Variants in CUL3 observed in about 807,000 individuals in gnomAD.
CUL3 encodes cullin 3.
A neutral mutation model predicts 89.1 loss-of-function variants in CUL3; 19 were observed. The ratio of observed to expected loss-of-function variants is 0.21; its 90% confidence interval spans 0.15 to 0.31. The LOEUF (loss-of-function observed/expected upper bound fraction) is 0.31, where lower values mean the gene tolerates loss of function less well. Among genes scored for constraint, CUL3 ranks in the 10% least tolerant of loss-of-function variants. The probability of loss-of-function intolerance (pLI) is 1.00; values close to 1 mark genes in which losing one functional copy is unlikely to be tolerated. For synonymous variants in CUL3, 351 were observed against 308.4 expected (o/e 1.14, Z -1.45); for missense variants, 469 against 942.3 (o/e 0.50, Z 6.58).
At chr2:224,579,300 G>A (rs1048058368) in intron 1 of CUL3, among the ~76,000 whole-genome samples, 3 of 152,088 alleles carry the variant, frequency 2.0e-5, no homozygotes, top group Non-Finnish European at 2.9e-5. Context: ...CATGAAAAAT[G>A]AAAAGCAAAT....
Position 224,499,481 on chromosome 2 carries a change from G to T in CUL3, c.1610+882C>A, listed in dbSNP as rs146100537. Reference sequence around the variant, plus strand: ...TATCAAATACAGTTTCTTCCCAGTTGTTTTTTCAGATCTGGTTTGAGGTTA... The same window carrying T: ...TATCAAATACAGTTTCTTCCCAGTTTTTTTTTCAGATCTGGTTTGAGGTTA... On this transcript the variant is annotated intron_variant, in intron 11 of 15. Coordinates refer to ENST00000264414, the MANE Select transcript of CUL3 (RefSeq NM_003590.5). 329 of 238,880 alleles carry T rather than the reference G, an allele frequency of 1.4e-3. 2 individuals are homozygous for T. The highest frequency in any genetic ancestry group is 4.5e-3 in the Admixed American group (110 of 24,636). 14.8% of individuals were successfully genotyped at this position (238,880 alleles called of 1,614,324 possible). A position where few individuals can be genotyped will look rare whatever the true frequency, so the allele number is the denominator to read the frequency against.
intron 5 of CUL3, among the ~76,000 whole-genome samples, chr2:224,512,388 G>A (rs1044658356): frequency 3.2e-4 from 49 of 152,150 alleles, no homozygotes; most frequent in African/African-American, 1.2e-3. Flanking sequence ...GAGCCACTGT[G>A]CCCGGCCAAC....
chr2:224,503,554 T>A (rs917110294), intron 9 of CUL3, 98 bp downstream of exon 9: 1 of 1,023,634 alleles, frequency 9.8e-7, no homozygotes, highest in African/African-American at 1.6e-5. Context: ...AAATAAACAC[T>A]TAATAATCTA....
chr2:224,560,321 T>C (rs1694863372), intron 1 of CUL3: 1 of 152,150 alleles, frequency 6.6e-6, no homozygotes, highest in South Asian at 2.1e-4. Flanking sequence ...ATTCTCATGG[T>C]TTTAAATCAA....
At chr2:224,491,109 T>C (rs1691956270) in intron 13 of CUL3, among the ~76,000 whole-genome samples, 1 of 152,220 alleles carries the variant, frequency 6.6e-6, no homozygotes, top group Admixed American at 6.5e-5. Flanking sequence ...TTGCCTAATC[T>C]TGTGCATTTT....
intron 3 of CUL3, among the ~76,000 whole-genome samples, chr2:224,522,356 G>A (rs527250394): frequency 6.6e-6 from 1 of 152,160 alleles, no homozygotes; most frequent in Non-Finnish European, 1.5e-5. Context: ...GAAGTTTAAA[G>A]AACTTTCTCA....
chr2:224,496,403 A>T (rs1049499489), intron 12 of CUL3, among the ~76,000 whole-genome samples: 5 of 152,236 alleles, frequency 3.3e-5, no homozygotes, highest in Non-Finnish European at 7.3e-5. Flanking sequence ...ACAAAACTAC[A>T]TAACTTATTT....
rs78661504 is a variant in CUL3, at chr2:224,479,703, A to G, written c.2030-1358T>C. On this transcript the variant is annotated intron_variant, in intron 14 of 15. Coordinates refer to ENST00000264414, the MANE Select transcript of CUL3 (RefSeq NM_003590.5). The stretch of plus-strand genomic sequence containing the variant: ...CAAATGCTGTAGCAAACACATACAC[A>G]CACACAGAGGAAGGCAGGGAGGAAG... 4.1e-4 allele frequency: 62 copies of G among 152,376 alleles called. No homozygotes were observed. In the East Asian group the frequency reaches 9.6e-3, roughly 24 times the overall value. The allele number at this position is 152,376 out of a possible 1,614,324, so 9.4% of individuals were successfully genotyped here.
chr2:224,568,832 T>C (rs1258411091), intron 1 of CUL3, among the ~76,000 whole-genome samples: 1 of 152,212 alleles, frequency 6.6e-6, no homozygotes, highest in Admixed American at 6.5e-5. Flanking sequence ...GGGCTTCAAG[T>C]GCAGATTAAT....
Position 224,503,837 on chromosome 2 carries a change from T to C in CUL3, c.1207-15A>G. ...TGTTCTGTTAGCTGCAAAATTAAGA[T>C]GATGTAACAATTATACAATTTTAGT... On this transcript the variant is annotated splice_polypyrimidine_tract_variant and intron_variant, in intron 8 of 15. Transcript: ENST00000264414. The C allele has an allele frequency of 3.9e-6, 6 of 1,523,318 alleles. No homozygotes were observed. Among genetic ancestry groups the C allele is most frequent in the Non-Finnish European group, 5.3e-6 (6 of 1,136,550 alleles). The allele number at this position is 1,523,318 out of a possible 1,614,324, so 94.4% of individuals were successfully genotyped here.
intron 3 of CUL3, among the ~76,000 whole-genome samples, chr2:224,516,408 C>T (rs1693051795): frequency 1.3e-5 from 2 of 151,274 alleles, no homozygotes; most frequent in Admixed American, 1.3e-4. Flanking sequence ...ACTCTGCCTC[C>T]CGAGTTTAAG....
At chr2:224,530,654 C>T (rs1693663442) in intron 3 of CUL3, among the ~76,000 whole-genome samples, 1 of 152,164 alleles carries the variant, frequency 6.6e-6, no homozygotes. Flanking sequence ...TGCCTGTAAG[C>T]CCAACACTTT....
At chr2:224,474,791 G>A (rs1337957669) in intron 15 of CUL3, among the ~76,000 whole-genome samples, 1 of 152,124 alleles carries the variant, frequency 6.6e-6, no homozygotes, top group Non-Finnish European at 1.5e-5. Context: ...TACTAGCTCT[G>A]GGACCTTGGC....
intron 1 of CUL3, among the ~76,000 whole-genome samples, chr2:224,581,444 A>G (rs570956775): frequency 6.6e-6 from 1 of 151,836 alleles, no homozygotes; most frequent in East Asian, 1.9e-4. Flanking sequence ...GGTAGTAATC[A>G]TGTCAGAATG....
At chr2:224,536,911 A>G (rs1693920712) in intron 2 of CUL3, among the ~76,000 whole-genome samples, 1 of 152,200 alleles carries the variant, frequency 6.6e-6, no homozygotes, top group African/African-American at 2.4e-5. Context: ...ACACTTTGGG[A>G]CTATACTGCC....
chr2:224,471,797 T>C lies in CUL3; in HGVS notation c.*2448A>G, dbSNP rs1691141348. The C allele has an allele frequency of 4.4e-6, 1 of 228,182 alleles. No homozygotes were observed. Among genetic ancestry groups the C allele is most frequent in the African/African-American group, 2.2e-5 (1 of 45,062 alleles). The allele number at this position is 228,182 out of a possible 1,614,324, so 14.1% of individuals were successfully genotyped here. On this transcript the variant is annotated 3_prime_UTR_variant, in exon 16 of 16. Transcript: ENST00000264414. ...TGGACTTGATAATGAAGGCAGAGAATTACACTTTAACAGTTACTGAAGAGA... is the reference window on the plus strand; with the variant it reads ...TGGACTTGATAATGAAGGCAGAGAACTACACTTTAACAGTTACTGAAGAGA...
In CUL3 at chr2:224,581,509, T is replaced by C. The variant is rs185596619; in HGVS notation, c.66+3435A>G. ...TTAAACATATATAATTTTTCTTTTC[T>C]TTTTTTTTTTTTTGAGACAGTCTCA... On this transcript the variant is annotated intron_variant, in intron 1 of 15. Transcript: ENST00000264414. Among the ~76,000 whole-genome samples, 75 of 138,216 alleles carry C rather than the reference T, an allele frequency of 5.4e-4. No homozygotes were observed. In the East Asian group the frequency reaches 0.014, roughly 27 times the overall value. 90.7% of individuals were successfully genotyped at this position (138,216 alleles called of 152,430 possible). A position where few individuals can be genotyped will look rare whatever the true frequency, so the allele number is the denominator to read the frequency against.
chr2:224,472,762 G>A lies in CUL3; in HGVS notation c.*1483C>T, dbSNP rs79297951. On this transcript the variant is annotated 3_prime_UTR_variant, in exon 16 of 16. Coordinates refer to ENST00000264414, the MANE Select transcript of CUL3 (RefSeq NM_003590.5). ...GACGCATGGGGAAAAATATTTATGT[G>A]GAGTTTTTAATCCATATTAGAATTC... The A allele has an allele frequency of 6.6e-5, 13 of 196,750 alleles. No homozygotes were observed. Among genetic ancestry groups the A allele is most frequent in the Non-Finnish European group, 1.1e-5 (1 of 94,664 alleles). The allele number at this position is 196,750 out of a possible 1,614,324, so 12.2% of individuals were successfully genotyped here. A position where few individuals can be genotyped will look rare whatever the true frequency, so the allele number is the denominator to read the frequency against.
At chr2:224,491,718 G>A (rs1024447661) in intron 13 of CUL3, among the ~76,000 whole-genome samples, 2 of 152,066 alleles carry the variant, frequency 1.3e-5, no homozygotes, top group African/African-American at 4.8e-5. Flanking sequence ...CAACCTTATG[G>A]CATTAAGGGC....
Sources: gnomAD v4.1 joint callset for allele counts (sites outside exome capture counted in the v4.1 genomes callset) on GRCh38, gnomAD v4.1.1 for gene constraint, MANE v1.5 for transcripts, NCBI Gene and HGNC (gene_info 2026-07-23, HGNC 2026-07-21) for gene names.